LEKR1: variants seen among roughly 807,000 people sequenced by gnomAD.
The protein encoded by LEKR1 is protein LEKR1.
In LEKR1, 59 loss-of-function variants were observed where a neutral mutation model predicts 72.4. That is an observed-to-expected ratio of 0.82 (90% CI 0.66 to 1.01). The LOEUF is 1.01. Among genes scored for constraint, LEKR1 ranks in the 50% least tolerant of loss-of-function variants. The pLI, the probability that LEKR1 is intolerant of heterozygous loss-of-function variation, is 0.00. For missense variants in LEKR1, 728 were observed against 759.2 expected, an observed-to-expected ratio of 0.96 and a Z score of 0.48; for synonymous variants, 257 against 263.2, an observed-to-expected ratio of 0.98 and a Z score of 0.23.
chr3:156,981,250 ATGAC>A (rs1451945292), intron 7 of LEKR1, among the ~76,000 whole-genome samples: 2 of 152,206 alleles, frequency 1.3e-5, no homozygotes, highest in Non-Finnish European at 2.9e-5. Flanking sequence ...AAAGCAATGA[ATGAC>A]TGTGCATGGA....
rs543802546 is a variant in LEKR1 at position 156,935,680 on chromosome 3, C to T, written c.560-6849C>T. ...TATCCCACTTACATGAAAAGATGAC[C>T]GGGAGCCTAAGAAGCATGCAGACCT... On this transcript the variant is annotated intron_variant, in intron 5 of 12. Coordinates refer to ENST00000356539, the MANE Select transcript of LEKR1 (RefSeq NM_001004316.3). Among the ~76,000 whole-genome samples, 17 of 152,096 alleles carry T rather than the reference C, an allele frequency of 1.1e-4. No individual in the cohort carries two copies. In the South Asian group the frequency reaches 1.7e-3, roughly 15 times the overall value.
intron 2 of LEKR1, among the ~76,000 whole-genome samples, chr3:156,842,525 G>A (rs1177252899): frequency 6.6e-6 from 1 of 151,998 alleles, no homozygotes; most frequent in Non-Finnish European, 1.5e-5. Flanking sequence ...GTGTATTTTT[G>A]CTATGTGATA....
At chr3:156,958,920 C>T (rs1727884430) in intron 6 of LEKR1, among the ~76,000 whole-genome samples, 1 of 152,128 alleles carries the variant, frequency 6.6e-6, no homozygotes, top group Non-Finnish European at 1.5e-5. Flanking sequence ...GCTTTACTTT[C>T]TCTACCATCT....
intron 6 of LEKR1, among the ~76,000 whole-genome samples, chr3:156,947,750 T>C (rs1726811723): frequency 6.6e-6 from 1 of 151,230 alleles, no homozygotes; most frequent in African/African-American, 2.4e-5. Flanking sequence ...TCTGTTCCAC[T>C]AATTTATTTG....
chr3:156,848,638 G>C (rs1276951985), intron 2 of LEKR1, among the ~76,000 whole-genome samples: 1 of 152,172 alleles, frequency 6.6e-6, no homozygotes, highest in East Asian at 1.9e-4. Flanking sequence ...TTAATGATCA[G>C]ATTAAGAGTT....
chr3:156,951,756 T>G (rs1395053010), intron 6 of LEKR1, among the ~76,000 whole-genome samples: 1 of 151,398 alleles, frequency 6.6e-6, no homozygotes, highest in Non-Finnish European at 1.5e-5. Flanking sequence ...CTCTTCCTTA[T>G]TAGTCTAGCT....
chr3:156,852,701 A>G (rs941600925), intron 2 of LEKR1, 67 bp from the exon 3 acceptor site: 11 of 747,810 alleles, frequency 1.5e-5, no homozygotes, highest in Admixed American at 2.9e-5. Flanking sequence ...CATGGCTACA[A>G]TATCTTCAGT....
At chr3:156,920,505 A>G in intron 3 of LEKR1, 70 bp from the exon 4 acceptor site, 1 of 890,818 alleles carries the variant, frequency 1.1e-6, no homozygotes, top group South Asian at 1.7e-5. Context: ...AAAAGTAAGT[A>G]TATTTAAATG....
chr3:157,009,172 A>G (rs1050152131), intron 9 of LEKR1, among the ~76,000 whole-genome samples: 62 of 152,148 alleles, frequency 4.1e-4, no homozygotes, highest in African/African-American at 1.5e-3. Flanking sequence ...TAATTTTAAA[A>G]TGCTTAGTTG....
rs1468417976 is a variant in LEKR1 at position 156,909,487 on chromosome 3, T to C, written c.264-11088T>C. 2.0e-5 allele frequency among the ~76,000 whole-genome samples: 3 copies of C among 151,874 alleles called. No individual in the cohort carries two copies. The East Asian group carries it at 5.8e-4, about 29-fold the overall frequency. ...TAACACGGTGAAACCCCATCTCTAC[T>C]AAAAATACAAAAATTTAGCTGGGTG... On this transcript the variant is annotated intron_variant, in intron 3 of 12. Transcript: ENST00000356539.
intron 9 of LEKR1, among the ~76,000 whole-genome samples, chr3:157,007,478 C>T (rs1421226669): frequency 1.3e-5 from 2 of 152,214 alleles, no homozygotes; most frequent in African/African-American, 4.8e-5. Flanking sequence ...GTAGGCTTCC[C>T]GTGGGATTTC....
At chr3:156,903,695 C>A (rs1327522929) in intron 3 of LEKR1, among the ~76,000 whole-genome samples, 3 of 152,180 alleles carry the variant, frequency 2.0e-5, no homozygotes, top group African/African-American at 7.2e-5. Context: ...TCTAGAGGGT[C>A]AACTTTATTC....
At chr3:157,016,129 T>A (rs1226648388) in intron 10 of LEKR1, among the ~76,000 whole-genome samples, 2 of 151,970 alleles carry the variant, frequency 1.3e-5, no homozygotes, top group Non-Finnish European at 2.9e-5. Context: ...TAATTGAAAT[T>A]CCTGAAGGAC....
intron 11 of LEKR1, among the ~76,000 whole-genome samples, 169 bp from the exon 12 acceptor site, chr3:157,027,933 TG>T (rs1734324409): frequency 6.6e-6 from 1 of 152,194 alleles, no homozygotes; most frequent in Non-Finnish European, 1.5e-5. Flanking sequence ...GAAAAATAAA[TG>T]TTTTAGTCTT....
chr3:156,955,107 T>A lies in LEKR1; in HGVS notation c.745+12393T>A, dbSNP rs542427561. On this transcript the variant is annotated intron_variant, in intron 6 of 12. Coordinates refer to ENST00000356539, the MANE Select transcript of LEKR1 (RefSeq NM_001004316.3). ...AGCTGTATTCTTAGGGTTTTAAAAATTTTTTTTATAGTAGTTGTGAATGGG... is the reference window on the plus strand; with the variant it reads ...AGCTGTATTCTTAGGGTTTTAAAAAATTTTTTTATAGTAGTTGTGAATGGG... 2.8e-4 allele frequency among the ~76,000 whole-genome samples: 43 copies of A among 151,932 alleles called. 1 individual carries two copies. Among genetic ancestry groups the A allele is most frequent in the East Asian group, 1.7e-3 (9 of 5,176 alleles).
chr3:156,928,886 T>C (rs1724963566), intron 5 of LEKR1, among the ~76,000 whole-genome samples: 1 of 152,044 alleles, frequency 6.6e-6, no homozygotes, highest in Non-Finnish European at 1.5e-5. Context: ...CTCTTTGGAA[T>C]AACATAATAA....
At chr3:156,846,693 ATTAG>A (rs951457479) in intron 2 of LEKR1, among the ~76,000 whole-genome samples, 3 of 152,188 alleles carry the variant, frequency 2.0e-5, no homozygotes, top group Non-Finnish European at 4.4e-5. Flanking sequence ...TCTTAGAAGG[ATTAG>A]TATTTCATAC....
chr3:156,861,303 TG>T (rs1461449799), intron 3 of LEKR1, among the ~76,000 whole-genome samples: 1 of 152,190 alleles, frequency 6.6e-6, no homozygotes, highest in Non-Finnish European at 1.5e-5. Context: ...TTCTGCTTTT[TG>T]TACTTTTGCA....
intron 3 of LEKR1, among the ~76,000 whole-genome samples, chr3:156,864,293 C>T (rs1717076648): frequency 6.6e-6 from 1 of 151,974 alleles, no homozygotes; most frequent in Non-Finnish European, 1.5e-5. Flanking sequence ...CATTATCCTT[C>T]CATCGTATCA....
Sources: allele counts gnomAD v4.1 joint callset (sites outside exome capture counted in the v4.1 genomes callset), GRCh38; gene constraint gnomAD v4.1.1; transcripts MANE v1.5; gene names NCBI Gene and HGNC (gene_info 2026-07-23, HGNC 2026-07-21).